SCOC: variants seen among roughly 807,000 people sequenced by gnomAD.
SCOC encodes the protein short coiled-coil protein, also known as short coiled coil protein.
In SCOC, 7 loss-of-function variants were observed where a neutral mutation model predicts 9.9. That is an observed-to-expected ratio of 0.71 (90% CI 0.40 to 1.33). The LOEUF (loss-of-function observed/expected upper bound fraction) is 1.33. Among genes scored for constraint, SCOC ranks in the 40% most tolerant of loss-of-function variants. SCOC has a pLI of 0.01. For synonymous variants in SCOC, 19 were observed against 28.2 expected, an observed-to-expected ratio of 0.67 and a Z score of 1.03; for missense variants, 66 against 89.7, an observed-to-expected ratio of 0.74 and a Z score of 1.07.
intron 1 of SCOC, among the ~76,000 whole-genome samples, chr4:140,338,163 T>C (rs896275425): frequency 3.3e-5 from 5 of 152,230 alleles, no homozygotes; most frequent in Admixed American, 6.5e-5. Flanking sequence ...TCAATAAATG[T>C]AATCCATCAT....
At chr4:140,267,096 C>T (rs980711139) in intron 1 of SCOC, among the ~76,000 whole-genome samples, 1 of 152,090 alleles carries the variant, frequency 6.6e-6, no homozygotes, top group African/African-American at 2.4e-5. Context: ...TATTTGATAC[C>T]AAACCCAGAC....
At chr4:140,379,718 T>C (rs1728489608) in intron 3 of SCOC, 66 bp downstream of exon 3, 12 of 1,171,770 alleles carry the variant, frequency 1.0e-5, no homozygotes, top group Non-Finnish European at 1.5e-5. Flanking sequence ...AAATTTATAT[T>C]GCTAAATTTT....
intron 1 of SCOC, among the ~76,000 whole-genome samples, chr4:140,279,567 C>G (rs1003875161): frequency 6.6e-6 from 1 of 152,088 alleles, no homozygotes; most frequent in African/African-American, 2.4e-5. Context: ...ATTTGAGCTT[C>G]GATTCGATTC....
chr4:140,277,302 CA>C (rs1189980917), intron 1 of SCOC, among the ~76,000 whole-genome samples: 2 of 152,142 alleles, frequency 1.3e-5, no homozygotes, highest in African/African-American at 4.8e-5. Flanking sequence ...CCCCCCTCCC[CA>C]CTGTATGAGT....
chr4:140,375,523 C>T (rs1170286826), intron 1 of SCOC, among the ~76,000 whole-genome samples: 1 of 150,964 alleles, frequency 6.6e-6, no homozygotes, highest in Admixed American at 6.7e-5. Context: ...GCCAGGCTGC[C>T]TCTTGAGGAG....
Position 140,343,900 on chromosome 4 carries a change from TA to T in SCOC, c.70+195del, listed in dbSNP as rs1222776430. 2.0e-5 allele frequency among the ~76,000 whole-genome samples: 3 copies of T among 152,042 alleles called. No homozygotes were observed. In the South Asian group the frequency reaches 6.2e-4, roughly 32 times the overall value. On this transcript the variant is annotated intron_variant, in intron 2 of 4. Transcript: ENST00000338517. ...TTCCTTTTAAATTAAGTGATAATTT[TA>T]AAGTTGCTGTCATTATATAACATGT... is the stretch of plus-strand genomic sequence containing the variant.
chr4:140,281,874 A>G lies in SCOC; in HGVS notation c.-19+24464A>G, dbSNP rs141003160. On this transcript the variant is annotated intron_variant, in intron 1 of 4. Coordinates refer to the SCOC transcript ENST00000394205. ...AGTATCTCAGCCTCTGACCTTAGTT[A>G]TCCCTGTTTGTGGGGGAAAATGCAT... 1.3e-4 allele frequency among the ~76,000 whole-genome samples: 20 copies of G among 152,286 alleles called. No individual in the cohort carries two copies. In the East Asian group the frequency reaches 3.9e-3, roughly 29 times the overall value.
chr4:140,304,996 G>A (rs1457560677), intron 1 of SCOC, among the ~76,000 whole-genome samples: 1 of 152,138 alleles, frequency 6.6e-6, no homozygotes, highest in Non-Finnish European at 1.5e-5. Context: ...CAATCCATTA[G>A]GGCACCATTC....
intron 1 of SCOC, among the ~76,000 whole-genome samples, chr4:140,337,830 C>T (rs957891155): frequency 2.6e-5 from 4 of 152,078 alleles, no homozygotes; most frequent in Admixed American, 1.3e-4. Flanking sequence ...AAAAAAAGTC[C>T]GGGACCAGAC....
intron 1 of SCOC, among the ~76,000 whole-genome samples, chr4:140,299,374 G>A (rs1366940258): frequency 6.6e-6 from 1 of 152,070 alleles, no homozygotes; most frequent in Admixed American, 6.5e-5. Context: ...GAATTCATAA[G>A]GAAAGAAAAA....
At chr4:140,291,649 A>G (rs1185422776) in intron 1 of SCOC, 1 of 389,708 alleles carries the variant, frequency 2.6e-6, no homozygotes, top group Non-Finnish European at 5.2e-6. Context: ...ACGCTTATTA[A>G]TATGTTCTGG....
At position 140,307,666 on chromosome 4, in the gene SCOC, G is replaced by T. The variant is rs190017796; in HGVS notation, c.-18-35955G>T. ...ATCTTGGCCTGTCTGAGTTTCTTAGGTTTGATCTAAGTAGCAGATTCAACC... is the reference window on the plus strand; with the variant it reads ...ATCTTGGCCTGTCTGAGTTTCTTAGTTTTGATCTAAGTAGCAGATTCAACC... On this transcript the variant is annotated intron_variant, in intron 1 of 4. Coordinates refer to the SCOC transcript ENST00000394205. 6.9e-3 allele frequency among the ~76,000 whole-genome samples: 1,055 copies of T among 152,240 alleles called. 39 individuals are homozygous for T. Among genetic ancestry groups the T allele is most frequent in the Admixed American group, 0.066 (1,011 of 15,292 alleles).
intron 1 of SCOC, among the ~76,000 whole-genome samples, chr4:140,289,007 C>T (rs1731388054): frequency 6.6e-6 from 1 of 152,032 alleles, no homozygotes. Flanking sequence ...TCTTCCATGT[C>T]CACACACATG....
intron 1 of SCOC, among the ~76,000 whole-genome samples, chr4:140,273,482 C>T (rs1730897464): frequency 6.7e-6 from 1 of 149,878 alleles, no homozygotes; most frequent in East Asian, 2.0e-4. Context: ...TAATTTTCTC[C>T]TTTTGCTTTG....
intron 1 of SCOC, among the ~76,000 whole-genome samples, chr4:140,283,470 A>T (rs1013480132): frequency 6.6e-6 from 1 of 151,880 alleles, no homozygotes. Context: ...TTTTTTTTTT[A>T]AATGTCCTTC....
intron 1 of SCOC, chr4:140,284,384 G>T (rs1327469214): frequency 6.6e-6 from 1 of 152,134 alleles, no homozygotes. Flanking sequence ...AAATTCACGG[G>T]CATGGTTCAG....
Position 140,381,674 on chromosome 4 carries a change from G to A in SCOC, c.*570G>A, listed in dbSNP as rs970229428. The stretch of plus-strand genomic sequence containing the variant: ...CTGTCTCAGCTAGGGCTTGTCATTT[G>A]TGTATTTAGTGTTAAGATAGGAATG... On this transcript the variant is annotated 3_prime_UTR_variant, in exon 4 of 4. Transcript: ENST00000608372. 6.6e-6 allele frequency: 1 copy of A among 152,190 alleles called. No individual in the cohort carries two copies. Among genetic ancestry groups the A allele is most frequent in the African/African-American group, 2.4e-5 (1 of 41,444 alleles). 9.4% of individuals were successfully genotyped at this position (152,190 alleles called of 1,614,324 possible). A position where few individuals can be genotyped will look rare whatever the true frequency, so the allele number is the denominator to read the frequency against.
chr4:140,258,079 C>T (rs1730550044), intron 1 of SCOC, among the ~76,000 whole-genome samples: 1 of 152,200 alleles, frequency 6.6e-6, no homozygotes, highest in Non-Finnish European at 1.5e-5. Context: ...TCTCAGCCTG[C>T]CACACCTGCA....
At chr4:140,260,311 A>G (rs1215146732) in intron 1 of SCOC, among the ~76,000 whole-genome samples, 1 of 152,270 alleles carries the variant, frequency 6.6e-6, no homozygotes, top group Admixed American at 6.5e-5. Flanking sequence ...CTGAAAAGGA[A>G]GACAAACTAG....
Sources: gnomAD v4.1 joint callset for allele counts (sites outside exome capture counted in the v4.1 genomes callset) on GRCh38, gnomAD v4.1.1 for gene constraint, MANE v1.5 for transcripts, NCBI Gene and HGNC (gene_info 2026-07-23, HGNC 2026-07-21) for gene names.